Variants in ACOX3 observed in about 807,000 individuals in gnomAD.
ACOX3 encodes acyl-CoA oxidase 3, pristanoyl, also known as peroxisomal acyl-coenzyme A oxidase 3.
A neutral mutation model predicts 81.5 loss-of-function variants in ACOX3; 73 were observed. The observed-to-expected ratio is 0.90, with a 90% CI of 0.74 to 1.09. ACOX3 has a LOEUF of 1.09. Ranked by LOEUF, ACOX3 falls within the 50% of genes least tolerant of loss-of-function variation. The pLI is 0.00. For synonymous variants in ACOX3, 387 were observed against 375.1 expected, an observed-to-expected ratio of 1.03 and a Z score of -0.37; for missense variants, 947 against 928.0, an observed-to-expected ratio of 1.02 and a Z score of -0.27.
rs572844176 is a variant in ACOX3 at position 8,438,711 on chromosome 4, T to C, written c.-15+1937A>G. 2.6e-5 allele frequency: 4 copies of C among 152,372 alleles called. No individual in the cohort carries two copies. The East Asian group carries it at 7.7e-4, about 29-fold the overall frequency. The allele number at this position is 152,372 out of a possible 1,614,324, so 9.4% of individuals were successfully genotyped here. A position where few individuals can be genotyped will look rare whatever the true frequency, so the allele number is the denominator to read the frequency against. ...GTTAAAAAGTAAAATCTAATTTTTCTAGGACCCATATAGGATGGGCCTTAT... is the reference window on the plus strand; with the variant it reads ...GTTAAAAAGTAAAATCTAATTTTTCCAGGACCCATATAGGATGGGCCTTAT... On this transcript the variant is annotated intron_variant, in intron 1 of 17. Coordinates refer to ENST00000356406, the MANE Select transcript of ACOX3 (RefSeq NM_003501.3).
chr4:8,409,412 T>G (rs1578953509), intron 6 of ACOX3, among the ~76,000 whole-genome samples: 1 of 109,474 alleles, frequency 9.1e-6, no homozygotes, highest in Non-Finnish European at 1.9e-5. Context: ...ACACTGTGGG[T>G]GGGGCTGCCT....
the ACOX3 span, among the ~76,000 whole-genome samples, chr4:8,360,723 T>C: frequency 6.6e-6 from 1 of 152,174 alleles, no homozygotes; most frequent in Non-Finnish European, 1.5e-5. Flanking sequence ...CCACCTGCCT[T>C]GGCCTCCCAA....
intron 7 of ACOX3, among the ~76,000 whole-genome samples, chr4:8,404,161 T>C (rs1720666646): frequency 6.6e-6 from 1 of 152,238 alleles, no homozygotes; most frequent in South Asian, 2.1e-4. Flanking sequence ...TCCAGATGGC[T>C]GGGGCTTCCC....
intron 17 of ACOX3, among the ~76,000 whole-genome samples, chr4:8,367,606 A>G (rs1715616219): frequency 6.6e-6 from 1 of 151,980 alleles, no homozygotes; most frequent in Non-Finnish European, 1.5e-5. Context: ...AGTAGAAAAC[A>G]ATTAGGACAA....
chr4:8,436,964 C>G (rs1724277889), intron 1 of ACOX3, among the ~76,000 whole-genome samples: 1 of 142,254 alleles, frequency 7.0e-6, no homozygotes, highest in Non-Finnish European at 1.5e-5. Context: ...TGCACTCCAG[C>G]CTTGGCAACA....
At chr4:8,397,354 G>T (rs557537225) in intron 8 of ACOX3, among the ~76,000 whole-genome samples, 2 of 152,364 alleles carry the variant, frequency 1.3e-5, no homozygotes, top group East Asian at 3.9e-4. Flanking sequence ...CAGCTGCCTG[G>T]AGAAGGTACA....
In ACOX3 at chr4:8,440,716, T is replaced by A. The variant is rs1724582069; in HGVS notation, c.-83A>T. The A allele has an allele frequency of 7.6e-7, 1 of 1,318,782 alleles. No individual in the cohort carries two copies. The highest frequency in any genetic ancestry group is 9.8e-7 in the Non-Finnish European group (1 of 1,020,722). 81.7% of individuals were successfully genotyped at this position (1,318,782 alleles called of 1,614,324 possible). A position where few individuals can be genotyped will look rare whatever the true frequency, so the allele number is the denominator to read the frequency against. ...AGGAAAGGATCTCCAGCGGCGCCAT[T>A]CTCATTTCCGGTCCCAGCACCCCGC... is the stretch of plus-strand genomic sequence containing the variant. On this transcript the variant is annotated 5_prime_UTR_variant, in exon 1 of 18. Coordinates refer to ENST00000356406, the MANE Select transcript of ACOX3 (RefSeq NM_003501.3).
At position 8,437,069 on chromosome 4, in the gene ACOX3, A is replaced by G. The variant is rs926129774; in HGVS notation, c.-15+3579T>C. 6.9e-6 allele frequency among the ~76,000 whole-genome samples: 1 copy of G among 145,628 alleles called. No individual in the cohort carries two copies. The highest frequency in any genetic ancestry group is 1.5e-5 in the Non-Finnish European group (1 of 66,652). On this transcript the variant is annotated intron_variant, in intron 1 of 17. Coordinates refer to ENST00000356406, the MANE Select transcript of ACOX3 (RefSeq NM_003501.3). The surrounding 1 kb of genome is among the most constrained non-coding windows in gnomAD (Gnocchi z 5.2). ...TATATATATACAAATATATGTAAAT[A>G]TATAGAAATATATACACGTAAATAT...
chr4:8,374,999 G>A lies in ACOX3; in HGVS notation c.1807C>T (p.His603Tyr). 1 of 1,533,246 alleles carries A rather than the reference G, an allele frequency of 6.5e-7. No individual in the cohort carries two copies. Among genetic ancestry groups the A allele is most frequent in the Non-Finnish European group, 8.8e-7 (1 of 1,133,338 alleles). The allele number at this position is 1,533,246 out of a possible 1,614,324, so 95.0% of individuals were successfully genotyped here. The change falls in exon 15 of 18, where the codon CAC becomes TAC. Residue 603 changes from histidine to tyrosine, a missense_variant. Physicochemically the swap from His to Tyr is moderately conservative, Grantham distance 83. Transcript: ENST00000356406. ...ALYALWSLSR[H>Y]AALLYRGGYF... ...TCACCTCGGTAGAGCAGGGCCGCGT[G>A]GCGGCTCAGGGACCACAGGGCGTAC...
rs1450256347 is a variant in ACOX3, at chr4:8,400,121, T to C, written c.777-469A>G. Among the ~76,000 whole-genome samples the C allele has an allele frequency of 6.6e-6, 1 of 151,966 alleles. No individual in the cohort carries two copies. Among genetic ancestry groups the C allele is most frequent in the South Asian group, 2.1e-4 (1 of 4,802 alleles). Reference sequence around the variant, plus strand: ...AAAAAATTAGCCAGGAGTGGTGGCATGTGCCTGTAGTCCCAGCTACTCAGG... The same window carrying C: ...AAAAAATTAGCCAGGAGTGGTGGCACGTGCCTGTAGTCCCAGCTACTCAGG... On this transcript the variant is annotated intron_variant, in intron 7 of 17. Transcript: ENST00000356406. The surrounding 1 kb of genome is among the most constrained non-coding windows in gnomAD (Gnocchi z 4.4).
rs760103634 is a variant in ACOX3, at chr4:8,389,727, C to A, written c.1308G>T (p.Arg436=). The A allele has an allele frequency of 7.2e-5, 117 of 1,613,828 alleles. 1 individual carries two copies. In the South Asian group the frequency reaches 1.2e-3, roughly 17 times the overall value. Residue 436 remains arginine (R), a synonymous_variant, in exon 12 of 18, where the codon CGG becomes CGT. Coordinates refer to ENST00000356406, the MANE Select transcript of ACOX3 (RefSeq NM_003501.3). This position sits in a 1 kb window ranked among gnomAD's most constrained non-coding sequence, Gnocchi z 5.3. ...CGGHGYLAMN[R]LGVLRDDNDP... is the part of the protein sequence containing the mutation. ...CGTTGTCATCTCTAAGGACACCCAA[C>A]CGGTTCACTGCAACAAAGCCACAAT...
chr4:8,429,136 T>G (rs1202474710), intron 1 of ACOX3, among the ~76,000 whole-genome samples: 7 of 152,154 alleles, frequency 4.6e-5, no homozygotes. Context: ...TTTGGGGAGA[T>G]CCAAACTAAG....
At chr4:8,436,060 C>G (rs1724219654) in intron 1 of ACOX3, 2 of 152,166 alleles carry the variant, frequency 1.3e-5, no homozygotes, top group Non-Finnish European at 2.9e-5. Flanking sequence ...TTATAATGAC[C>G]AAGCCCACAT....
chr4:8,398,574 G>A (rs1356968650), intron 8 of ACOX3, among the ~76,000 whole-genome samples: 5 of 152,122 alleles, frequency 3.3e-5, no homozygotes, highest in African/African-American at 1.2e-4. Flanking sequence ...CTGACTTCCT[G>A]GGCTCTAGTG....
chr4:8,367,173 T>C, intron 17 of ACOX3, 93 bp from the exon 18 acceptor site: 1 of 1,515,988 alleles, frequency 6.6e-7, no homozygotes, highest in Non-Finnish European at 8.9e-7. Context: ...CTCCTCAAAG[T>C]TTTTGTTAAA....
chr4:8,435,228 C>T (rs1327503964), intron 1 of ACOX3, among the ~76,000 whole-genome samples: 6 of 152,192 alleles, frequency 3.9e-5, no homozygotes, highest in African/African-American at 1.2e-4. Context: ...CGGTGGCTCA[C>T]GCCTATAATC....
the ACOX3 span, among the ~76,000 whole-genome samples, chr4:8,360,443 T>C: frequency 6.6e-6 from 1 of 151,476 alleles, no homozygotes; most frequent in African/African-American, 2.4e-5. Context: ...GTTTGCTAAA[T>C]GCTTTAAGGT....
chr4:8,366,123 C>T (rs970825879), downstream of ACOX3, among the ~76,000 whole-genome samples: 3 of 152,174 alleles, frequency 2.0e-5, no homozygotes, highest in Non-Finnish European at 2.9e-5. Flanking sequence ...GAAGGGCAGC[C>T]AAGCCCATGG....
At position 8,382,306 on chromosome 4, in the gene ACOX3, G is replaced by C. The variant is rs1717764796; in HGVS notation, c.1538-699C>G. On this transcript the variant is annotated intron_variant, in intron 13 of 17. Coordinates refer to ENST00000356406, the MANE Select transcript of ACOX3 (RefSeq NM_003501.3). The surrounding 1 kb of genome is among the most constrained non-coding windows in gnomAD (Gnocchi z 4.1). ...TGGCAGTGGTGCCCACATCTGCGGG[G>C]CCCCCCACAGCACAGCCAGAGCTGG... 6.6e-6 allele frequency among the ~76,000 whole-genome samples: 1 copy of C among 152,188 alleles called. No individual in the cohort carries two copies.
Sources: allele counts gnomAD v4.1 joint callset (sites outside exome capture counted in the v4.1 genomes callset), GRCh38; gene constraint gnomAD v4.1.1; non-coding constraint Gnocchi (gnomAD v3.1); transcripts MANE v1.5; gene names NCBI Gene and HGNC (gene_info 2026-07-23, HGNC 2026-07-21).